Variants in LDB2 observed in about 807,000 individuals in gnomAD.
LDB2 encodes the protein LIM domain binding 2, also known as LIM domain-binding protein 2.
In LDB2, 12 loss-of-function variants were observed where a neutral mutation model predicts 44.3. The ratio of observed to expected loss-of-function variants is 0.27; its 90% CI spans 0.17 to 0.44. The LOEUF is 0.44. Among genes scored for constraint, LDB2 ranks in the 20% least tolerant of loss-of-function variants. The pLI is 1.00. For synonymous variants in LDB2, 164 were observed against 174.8 expected, an observed-to-expected ratio of 0.94 and a Z score of 0.49; for missense variants, 344 against 473.5, an observed-to-expected ratio of 0.73 and a Z score of 2.54.
chr4:16,774,787 CAG>C (rs1042770240), intron 1 of LDB2, among the ~76,000 whole-genome samples: 3 of 152,106 alleles, frequency 2.0e-5, no homozygotes, highest in African/African-American at 7.2e-5. Context: ...GAGCAAGAGA[CAG>C]GGGACTGTGG....
At chr4:16,665,052 C>T (rs1191598839) in intron 2 of LDB2, among the ~76,000 whole-genome samples, 4 of 152,168 alleles carry the variant, frequency 2.6e-5, no homozygotes, top group Admixed American at 2.6e-4. Context: ...ATTTGCACCT[C>T]ACCTACCTTA....
intron 2 of LDB2, among the ~76,000 whole-genome samples, chr4:16,605,427 T>C (rs1328805947): frequency 6.6e-6 from 1 of 152,150 alleles, no homozygotes; most frequent in African/African-American, 2.4e-5. Context: ...CTTGATTTAA[T>C]TATAATTAGT....
chr4:16,509,114 G>A (rs1458525664), intron 6 of LDB2, among the ~76,000 whole-genome samples: 3 of 152,138 alleles, frequency 2.0e-5, no homozygotes, highest in Admixed American at 6.5e-5. Context: ...TCCAAGGTAC[G>A]AGTGAAGTAT....
In LDB2 at chr4:16,612,733, C is replaced by T. The variant is rs975269419; in HGVS notation, c.236-16858G>A. Among the ~76,000 whole-genome samples the T allele has an allele frequency of 8.6e-5, 13 of 152,044 alleles. No individual in the cohort carries two copies. In the East Asian group the frequency reaches 1.3e-3, roughly 16 times the overall value. On this transcript the variant is annotated intron_variant, in intron 2 of 7. Coordinates refer to ENST00000304523, the MANE Select transcript of LDB2 (RefSeq NM_001290.5). Reference sequence around the variant, plus strand: ...TTAATAGCCTACCAAACAAAAAAGCCCAGGACCGGACGGATTCACAGCTGA... The same window carrying T: ...TTAATAGCCTACCAAACAAAAAAGCTCAGGACCGGACGGATTCACAGCTGA...
chr4:16,642,137 C>T (rs1225737678), intron 2 of LDB2, among the ~76,000 whole-genome samples: 4 of 152,168 alleles, frequency 2.6e-5, no homozygotes, highest in Non-Finnish European at 5.9e-5. Flanking sequence ...TTGGTCTCAT[C>T]TCCCAGAAAC....
chr4:16,664,068 C>T (rs1159721495), intron 2 of LDB2, among the ~76,000 whole-genome samples: 3 of 152,068 alleles, frequency 2.0e-5, no homozygotes, highest in African/African-American at 7.2e-5. Flanking sequence ...GAGATGTCTT[C>T]TATAGTCTGA....
intron 2 of LDB2, among the ~76,000 whole-genome samples, chr4:16,648,829 T>C (rs184416324): frequency 6.6e-5 from 10 of 152,344 alleles, no homozygotes; most frequent in Admixed American, 5.2e-4. Context: ...ATTTCATTTA[T>C]ATTTATAGCT....
intron 5 of LDB2, among the ~76,000 whole-genome samples, chr4:16,563,101 G>C (rs1423566227): frequency 6.6e-6 from 1 of 151,848 alleles, no homozygotes; most frequent in Non-Finnish European, 1.5e-5. Context: ...AGCATTAGGA[G>C]ATATACCTAA....
At chr4:16,564,323 C>T (rs776029163) in intron 5 of LDB2, among the ~76,000 whole-genome samples, 19 of 152,040 alleles carry the variant, frequency 1.2e-4, no homozygotes, top group East Asian at 5.8e-4. Flanking sequence ...ATCTCGTCAC[C>T]GCACTCCAGC....
Position 16,887,032 on chromosome 4 carries a change from C to CAAAAAAAA in LDB2, c.132+11314_132+11321dup, listed in dbSNP as rs371783496. 5.5e-4 allele frequency among the ~76,000 whole-genome samples: 28 copies of CAAAAAAAA among 50,460 alleles called. 4 individuals carry two copies. Among genetic ancestry groups the CAAAAAAAA allele is most frequent in the African/African-American group, 1.6e-3 (24 of 15,018 alleles). 33.1% of individuals were successfully genotyped at this position (50,460 alleles called of 152,430 possible). A position where few individuals can be genotyped will look rare whatever the true frequency, so the allele number is the denominator to read the frequency against. On this transcript the variant is annotated intron_variant, in intron 1 of 7. Coordinates refer to ENST00000304523, the MANE Select transcript of LDB2 (RefSeq NM_001290.5). Reference sequence around the variant, plus strand: ...TGGGCGACAGAGCGAAACTCCGTCTCAAAAAAAAAAAAAAAAAAAAAAAAA... The same window carrying CAAAAAAAA: ...TGGGCGACAGAGCGAAACTCCGTCTCAAAAAAAAAAAAAAAAAAAAAAAAAAAAAAAAA...
At position 16,611,928 on chromosome 4, in the gene LDB2, A is replaced by G. The variant is rs372403538; in HGVS notation, c.236-16053T>C. Among the ~76,000 whole-genome samples, 6 of 152,302 alleles carry G rather than the reference A, an allele frequency of 3.9e-5. No homozygotes were observed. In the East Asian group the frequency reaches 1.2e-3, roughly 29 times the overall value. ...GAATATACATTCTTCTCAATACCAC[A>G]TGGCACTTATCCTAAAATTGACCAC... On this transcript the variant is annotated intron_variant, in intron 2 of 7. Transcript: ENST00000304523.
chr4:16,654,208 C>T (rs1053263385), intron 2 of LDB2, among the ~76,000 whole-genome samples: 1 of 152,146 alleles, frequency 6.6e-6, no homozygotes. Context: ...GAAACAGTCA[C>T]CCAGGAACTT....
intron 2 of LDB2, among the ~76,000 whole-genome samples, chr4:16,671,082 G>T (rs146779144): frequency 7.6e-6 from 1 of 131,998 alleles, no homozygotes; most frequent in African/African-American, 2.8e-5. Context: ...GTGCTTGGAA[G>T]AAAATTCTTT....
chr4:16,721,470 G>A (rs1287211814), intron 2 of LDB2, among the ~76,000 whole-genome samples: 6 of 151,970 alleles, frequency 3.9e-5, no homozygotes, highest in African/African-American at 1.5e-4. Flanking sequence ...TAATATCTAT[G>A]TTAATTTTTT....
At chr4:16,871,472 C>G (rs1020519613) in intron 1 of LDB2, among the ~76,000 whole-genome samples, 1 of 152,096 alleles carries the variant, frequency 6.6e-6, no homozygotes, top group East Asian at 1.9e-4. Context: ...TTCCAGTATT[C>G]GAGAAGTATT....
At chr4:16,864,987 T>C (rs1243638907) in intron 1 of LDB2, among the ~76,000 whole-genome samples, 1 of 152,120 alleles carries the variant, frequency 6.6e-6, no homozygotes, top group Non-Finnish European at 1.5e-5. Context: ...GGCTCACACC[T>C]ATAATCCCAG....
chr4:16,687,231 C>A (rs1749477623), intron 2 of LDB2, among the ~76,000 whole-genome samples: 1 of 152,202 alleles, frequency 6.6e-6, no homozygotes, highest in African/African-American at 2.4e-5. Flanking sequence ...ATCCTATCCT[C>A]CAATTTAATA....
At chr4:16,513,062 C>G (rs994418583) in intron 5 of LDB2, among the ~76,000 whole-genome samples, 3 of 152,144 alleles carry the variant, frequency 2.0e-5, no homozygotes, top group African/African-American at 7.2e-5. Flanking sequence ...AAAAGCATCA[C>G]CTTTTATGAA....
chr4:16,567,523 GTGTT>G (rs1744976284), intron 5 of LDB2, among the ~76,000 whole-genome samples: 1 of 152,106 alleles, frequency 6.6e-6, no homozygotes, highest in Non-Finnish European at 1.5e-5. Flanking sequence ...GGGGAACTGA[GTGTT>G]TGGGAGGCCG....
Sources: allele counts gnomAD v4.1 joint callset (sites outside exome capture counted in the v4.1 genomes callset), GRCh38; gene constraint gnomAD v4.1.1; transcripts MANE v1.5; gene names NCBI Gene and HGNC (gene_info 2026-07-23, HGNC 2026-07-21).